PEAK1: variants seen among roughly 807,000 people sequenced by gnomAD.
PEAK1 encodes the protein pseudopodium enriched atypical kinase 1.
In PEAK1, 54 loss-of-function variants were observed where a neutral mutation model predicts 124.7. That is an observed-to-expected ratio of 0.43 (90% CI 0.35 to 0.54). The LOEUF (loss-of-function observed/expected upper bound fraction) is 0.54. PEAK1 is among the 20% of genes least tolerant of loss of function. The pLI is 0.01. For synonymous variants in PEAK1, 719 were observed against 760.0 expected, an observed-to-expected ratio of 0.95 and a Z score of 0.89; for missense variants, 2,046 against 2,134.5, an observed-to-expected ratio of 0.96 and a Z score of 0.82.
intron 2 of PEAK1, chr15:77,350,836 A>G: frequency 1.0e-6 from 1 of 981,618 alleles, no homozygotes; most frequent in Non-Finnish European, 1.2e-6. Context: ...ATTGGCTGTT[A>G]AGAAACATAA....
At chr15:77,323,756 C>T (rs1042398656) in intron 2 of PEAK1, among the ~76,000 whole-genome samples, 9 of 152,274 alleles carry the variant, frequency 5.9e-5, no homozygotes, top group South Asian at 4.1e-4. Flanking sequence ...CTACCAATGA[C>T]TTTCTTCACA....
chr15:77,352,525 T>A (rs993188356), intron 2 of PEAK1: 2 of 979,562 alleles, frequency 2.0e-6, no homozygotes, highest in African/African-American at 3.5e-5. Context: ...TAAAAATACA[T>A]ACATTTTAAA....
rs1010267645 is a variant in PEAK1 at position 77,419,556 on chromosome 15, G to C, written c.-666+450C>G. 1.9e-5 allele frequency: 19 copies of C among 985,112 alleles called. No individual in the cohort carries two copies. In the East Asian group the frequency reaches 2.0e-3, roughly 106 times the overall value. 61.0% of individuals were successfully genotyped at this position (985,112 alleles called of 1,614,324 possible). On this transcript the variant is annotated intron_variant, in intron 1 of 9. Transcript: ENST00000682557. Reference sequence around the variant, plus strand: ...TGCGCCGATGCTCCCGGGTGCGGGAGCGGGCTGACCGTGTGGACCCGGCAG... The same window carrying C: ...TGCGCCGATGCTCCCGGGTGCGGGACCGGGCTGACCGTGTGGACCCGGCAG...
intron 2 of PEAK1, among the ~76,000 whole-genome samples, chr15:77,304,921 T>C: frequency 6.6e-6 from 1 of 151,882 alleles, no homozygotes; most frequent in Non-Finnish European, 1.5e-5. Context: ...CCTGCATGCA[T>C]TACTGTAAAG....
chr15:77,226,811 C>T (rs567527636), intron 6 of PEAK1, among the ~76,000 whole-genome samples: 4 of 152,146 alleles, frequency 2.6e-5, no homozygotes, highest in African/African-American at 9.6e-5. Context: ...TCCTTTAATC[C>T]CTCTACTTCC....
At position 77,179,613 on chromosome 15, in the gene PEAK1, C is replaced by T. The variant is rs1199875286; in HGVS notation, c.2314G>A (p.Ala772Thr). 4 of 1,614,060 alleles carry T rather than the reference C, an allele frequency of 2.5e-6. No homozygotes were observed. Among genetic ancestry groups the T allele is most frequent in the South Asian group, 2.2e-5 (2 of 91,080 alleles). Residue 772 changes from alanine (A) to threonine (T), a missense_variant, in exon 7 of 10, where the codon GCT (alanine) becomes ACT (threonine). Coordinates refer to ENST00000682557, the MANE Select transcript of PEAK1 (RefSeq NM_001385026.1). Reference sequence around the variant, plus strand: ...GGAGACTGTGGGGGTTGGATTGAAGCCACAATCTGAGAAAGCACTGTGCTT... The same window carrying T: ...GGAGACTGTGGGGGTTGGATTGAAGTCACAATCTGAGAAAGCACTGTGCTT... ...KASTVLSQIVASIQPPQSPPE... is the reference protein window; with the variant it reads ...KASTVLSQIVTSIQPPQSPPE...
chr15:77,407,730 T>C (rs929528415), intron 1 of PEAK1, among the ~76,000 whole-genome samples: 8 of 152,122 alleles, frequency 5.3e-5, no homozygotes, highest in African/African-American at 1.9e-4. Context: ...AGATTTACCA[T>C]TTGACCCAGC....
intron 6 of PEAK1, among the ~76,000 whole-genome samples, chr15:77,189,595 G>C (rs889526204): frequency 5.3e-5 from 8 of 152,180 alleles, no homozygotes; most frequent in African/African-American, 1.9e-4. Context: ...GAAACAAACA[G>C]GCATAAACTT....
chr15:77,314,853 G>C lies in PEAK1; in HGVS notation c.-602-28349C>G, dbSNP rs1279539309. Among the ~76,000 whole-genome samples the C allele has an allele frequency of 2.6e-5, 4 of 152,202 alleles. No homozygotes were observed. In the South Asian group the frequency reaches 8.3e-4, roughly 32 times the overall value. On this transcript the variant is annotated intron_variant, in intron 2 of 9. Transcript: ENST00000682557. ...TAGTTTCATGTAAAGAAAAAAACTT[G>C]AAAATAGTAATACCTGACGACCCAT...
At chr15:77,217,039 T>C (rs1283904411) in intron 6 of PEAK1, among the ~76,000 whole-genome samples, 1 of 151,770 alleles carries the variant, frequency 6.6e-6, no homozygotes, top group African/African-American at 2.4e-5. Context: ...AAGATCAGCC[T>C]GGGCAACATA....
chr15:77,320,447 C>A (rs1472785631), intron 2 of PEAK1, among the ~76,000 whole-genome samples: 1 of 152,146 alleles, frequency 6.6e-6, no homozygotes, highest in African/African-American at 2.4e-5. Flanking sequence ...CTACCAAACT[C>A]TCTAAGGAGA....
intron 1 of PEAK1, among the ~76,000 whole-genome samples, chr15:77,411,920 T>C (rs1375139064): frequency 6.6e-6 from 1 of 152,224 alleles, no homozygotes; most frequent in Non-Finnish European, 1.5e-5. Flanking sequence ...CCCCTAGTAC[T>C]TTATATCTTT....
intron 2 of PEAK1, among the ~76,000 whole-genome samples, chr15:77,321,130 G>C (rs78387610): frequency 1.3e-5 from 2 of 152,146 alleles, no homozygotes; most frequent in Non-Finnish European, 2.9e-5. Flanking sequence ...ATGTGTGCAT[G>C]TGTCTTTATA....
At chr15:77,212,108 T>C (rs556293206) in intron 6 of PEAK1, among the ~76,000 whole-genome samples, 4 of 152,298 alleles carry the variant, frequency 2.6e-5, no homozygotes, top group South Asian at 2.1e-4. Context: ...TATATAATCA[T>C]TGAATTTTCA....
intron 8 of PEAK1, among the ~76,000 whole-genome samples, chr15:77,140,895 G>T (rs1042183042): frequency 9.2e-5 from 14 of 151,956 alleles, no homozygotes; most frequent in African/African-American, 3.4e-4. Flanking sequence ...TAGAGACAGG[G>T]TTTTGCCATG....
intron 5 of PEAK1, among the ~76,000 whole-genome samples, chr15:77,264,438 C>G (rs1043635703): frequency 6.6e-6 from 1 of 152,154 alleles, no homozygotes; most frequent in Non-Finnish European, 1.5e-5. Context: ...TATAAAATCA[C>G]AAGCATTCTT....
intron 8 of PEAK1, among the ~76,000 whole-genome samples, chr15:77,137,959 A>G (rs1466027478): frequency 1.3e-5 from 2 of 152,162 alleles, no homozygotes; most frequent in Non-Finnish European, 2.9e-5. Context: ...TGCTGTTCTC[A>G]TGATAGTGAG....
intron 6 of PEAK1, among the ~76,000 whole-genome samples, chr15:77,214,891 C>T (rs2059077330): frequency 6.6e-6 from 1 of 152,134 alleles, no homozygotes; most frequent in Non-Finnish European, 1.5e-5. Context: ...AATCACCTCC[C>T]ACCAGGCCTC....
intron 2 of PEAK1, among the ~76,000 whole-genome samples, chr15:77,293,562 GC>G (rs2063334059): frequency 6.6e-6 from 1 of 152,146 alleles, no homozygotes; most frequent in South Asian, 2.1e-4. Context: ...CCTCTTTGAA[GC>G]CCCTCCAACG....
Sources: allele counts gnomAD v4.1 joint callset (sites outside exome capture counted in the v4.1 genomes callset), GRCh38; gene constraint gnomAD v4.1.1; transcripts MANE v1.5; gene names NCBI Gene and HGNC (gene_info 2026-07-23, HGNC 2026-07-21).